FBLN1: variants seen among roughly 807,000 people sequenced by gnomAD.
The protein encoded by FBLN1 is fibulin-1.
In FBLN1, 34 loss-of-function variants were observed where a neutral mutation model predicts 89.7. The ratio of observed to expected loss-of-function variants is 0.38; its 90% CI spans 0.29 to 0.50. The LOEUF (loss-of-function observed/expected upper bound fraction) is 0.50. FBLN1 is among the 20% of genes least tolerant of loss of function. The probability of loss-of-function intolerance (pLI) is 0.92; values close to 1 mark genes in which losing one functional copy is unlikely to be tolerated. For synonymous variants in FBLN1, 393 were observed against 391.3 expected (o/e 1.00, Z -0.05); for missense variants, 777 against 988.1 (o/e 0.79, Z 2.86).
Position 45,562,840 on chromosome 22 carries a change from C to T in FBLN1, c.1698-11671C>T, listed in dbSNP as rs536599612. The T allele has an allele frequency of 3.0e-3, 4,469 of 1,467,508 alleles. 15 individuals are homozygous for T. Among genetic ancestry groups the T allele is most frequent in the Non-Finnish European group, 3.7e-3 (3,935 of 1,056,962 alleles). The allele number at this position is 1,467,508 out of a possible 1,614,324, so 90.9% of individuals were successfully genotyped here. A position where few individuals can be genotyped will look rare whatever the true frequency, so the allele number is the denominator to read the frequency against. ...CCCGCCTGCCAGCCCCGCATCCCCG[C>T]GCTCTGCCGTTTCTCCGCTTGCTGG... is the stretch of plus-strand genomic sequence containing the variant. On this transcript the variant is annotated intron_variant, in intron 14 of 16. Transcript: ENST00000327858. This position sits in a 1 kb window ranked among gnomAD's most constrained non-coding sequence, Gnocchi z 7.8.
At chr22:45,595,533 C>G (rs1441418903) in intron 16 of FBLN1, among the ~76,000 whole-genome samples, 1 of 152,110 alleles carries the variant, frequency 6.6e-6, no homozygotes, top group Admixed American at 6.6e-5. Context: ...TCTAGTTGCT[C>G]GTCTCACCAC....
chr22:45,543,570 C>A (rs1213643582), intron 11 of FBLN1, 44 bp downstream of exon 11: 1 of 1,604,582 alleles, frequency 6.2e-7, no homozygotes, highest in East Asian at 2.2e-5. Context: ...AGGTCACCTT[C>A]CTCCTGGGGA....
intron 2 of FBLN1, among the ~76,000 whole-genome samples, chr22:45,524,293 G>C (rs1484739678): frequency 6.6e-6 from 1 of 152,198 alleles, no homozygotes; most frequent in Non-Finnish European, 1.5e-5. Flanking sequence ...GCTGGCTTTG[G>C]CTGGAGCTGG....
intron 16 of FBLN1, among the ~76,000 whole-genome samples, chr22:45,582,987 C>T (rs1000394258): frequency 6.6e-6 from 1 of 152,206 alleles, no homozygotes; most frequent in Non-Finnish European, 1.5e-5. Flanking sequence ...GGCAGTTTTG[C>T]GTTGGAATCA....
In FBLN1 at chr22:45,597,844, C is replaced by T. The variant is rs538570013; in HGVS notation, c.1973-2463C>T. On this transcript the variant is annotated intron_variant, in intron 16 of 16. Coordinates refer to ENST00000327858, the MANE Select transcript of FBLN1 (RefSeq NM_006486.3). The surrounding 1 kb of genome is among the most constrained non-coding windows in gnomAD (Gnocchi z 4.2). Reference sequence around the variant, plus strand: ...CTTAGGGAACAGCCTGAAATTCCACCCCAGCTGCTGGGCCTTTCACTTTTG... The same window carrying T: ...CTTAGGGAACAGCCTGAAATTCCACTCCAGCTGCTGGGCCTTTCACTTTTG... 5.3e-5 allele frequency among the ~76,000 whole-genome samples: 8 copies of T among 152,282 alleles called. No homozygotes were observed. In the South Asian group the frequency reaches 1.7e-3, roughly 32 times the overall value.
chr22:45,581,187 G>T lies in FBLN1; in HGVS notation c.1972+4079G>T, dbSNP rs772988146. Among the ~76,000 whole-genome samples, 1 of 152,156 alleles carries T rather than the reference G, an allele frequency of 6.6e-6. No individual in the cohort carries two copies. Among genetic ancestry groups the T allele is most frequent in the Non-Finnish European group, 1.5e-5 (1 of 68,018 alleles). Reference sequence around the variant, plus strand: ...GGCGGGCTGTGTATCATCAGCGTGCGGAAGAGAGAGACAGAAAGGCAACTC... The same window carrying T: ...GGCGGGCTGTGTATCATCAGCGTGCTGAAGAGAGAGACAGAAAGGCAACTC... On this transcript the variant is annotated intron_variant, in intron 16 of 16. Transcript: ENST00000327858. This position sits in a 1 kb window ranked among gnomAD's most constrained non-coding sequence, Gnocchi z 7.6.
At position 45,590,557 on chromosome 22, in the gene FBLN1, C is replaced by T. The variant is rs529212553; in HGVS notation, c.1973-9750C>T. 6.6e-6 allele frequency among the ~76,000 whole-genome samples: 1 copy of T among 152,274 alleles called. No individual in the cohort carries two copies. Among genetic ancestry groups the T allele is most frequent in the South Asian group, 2.1e-4 (1 of 4,814 alleles). ...TGGGCCCCCACGGTTGGATTTACCT[C>T]CTGGCTCTGAGCACAGTGGGAAGAG... On this transcript the variant is annotated intron_variant, in intron 16 of 16. Transcript: ENST00000327858. The surrounding 1 kb of genome is among the most constrained non-coding windows in gnomAD (Gnocchi z 4.1).
At position 45,545,454 on chromosome 22, in the gene FBLN1, T is replaced by TG. The variant is rs1272118963; in HGVS notation, c.1322-1628dup. Reference sequence around the variant, plus strand: ...CTTTATTATTATTTAGTAGAAGTAGTGGGATTCCTGGCTTGTGCTTCCTCT... The same window carrying TG: ...CTTTATTATTATTTAGTAGAAGTAGTGGGGATTCCTGGCTTGTGCTTCCTCT... On this transcript the variant is annotated intron_variant, in intron 11 of 16. Coordinates refer to ENST00000327858, the MANE Select transcript of FBLN1 (RefSeq NM_006486.3). This position sits in a 1 kb window ranked among gnomAD's most constrained non-coding sequence, Gnocchi z 5.9. Among the ~76,000 whole-genome samples the TG allele has an allele frequency of 6.6e-6, 1 of 152,172 alleles. No homozygotes were observed. Among genetic ancestry groups the TG allele is most frequent in the Non-Finnish European group, 1.5e-5 (1 of 68,038 alleles).
At chr22:45,513,276 A>G (rs971874393) in intron 1 of FBLN1, among the ~76,000 whole-genome samples, 1 of 150,578 alleles carries the variant, frequency 6.6e-6, no homozygotes, top group Non-Finnish European at 1.5e-5. Flanking sequence ...TAAAATACGC[A>G]TCACATGGGA....
intron 11 of FBLN1, among the ~76,000 whole-genome samples, chr22:45,543,758 G>A (rs1417701121): frequency 2.6e-5 from 4 of 152,348 alleles, no homozygotes; most frequent in East Asian, 1.9e-4. Flanking sequence ...CATAGGCTGC[G>A]GCAGAGGCCA....
intron 1 of FBLN1, among the ~76,000 whole-genome samples, chr22:45,512,335 A>G (rs1161987132): frequency 1.3e-5 from 2 of 151,720 alleles, no homozygotes; most frequent in African/African-American, 2.4e-5. Flanking sequence ...AGTTGGTTGG[A>G]TGCTGTTGAC....
At chr22:45,552,274 G>C (rs552488416) in intron 14 of FBLN1, among the ~76,000 whole-genome samples, 4 of 152,218 alleles carry the variant, frequency 2.6e-5, no homozygotes, top group Admixed American at 6.5e-5. Flanking sequence ...GAGGTGGAAG[G>C]GGGAGCGAAT....
At chr22:45,519,377 T>A (rs1569236582) in intron 2 of FBLN1, among the ~76,000 whole-genome samples, 1 of 151,956 alleles carries the variant, frequency 6.6e-6, no homozygotes, top group Non-Finnish European at 1.5e-5. Flanking sequence ...TCCCAGCACT[T>A]TGGGAGGCCG....
At chr22:45,548,822 G>C in intron 13 of FBLN1, 78 bp downstream of exon 13, 1 of 1,586,622 alleles carries the variant, frequency 6.3e-7, no homozygotes. Flanking sequence ...GGCTGGGCTC[G>C]GGGGCTGTGC....
rs2088989397 is a variant in FBLN1, at chr22:45,575,487, G to A, written c.1840+834G>A. ...TAAACAGGAGGCTAAAACTGGAGTT[G>A]GGCCTTCAACCCCCAGGCTTTGGGG... On this transcript the variant is annotated intron_variant, in intron 15 of 16. Transcript: ENST00000327858. This position sits in a 1 kb window ranked among gnomAD's most constrained non-coding sequence, Gnocchi z 6.3. Among the ~76,000 whole-genome samples the A allele has an allele frequency of 6.6e-6, 1 of 152,088 alleles. No individual in the cohort carries two copies. The highest frequency in any genetic ancestry group is 1.5e-5 in the Non-Finnish European group (1 of 68,016).
intron 14 of FBLN1, among the ~76,000 whole-genome samples, chr22:45,560,982 G>A (rs562577894): frequency 3.3e-5 from 5 of 152,168 alleles, no homozygotes; most frequent in African/African-American, 7.2e-5. Context: ...GGGTCGGGGC[G>A]GGGATGTTGC....
intron 1 of FBLN1, among the ~76,000 whole-genome samples, chr22:45,511,480 T>A (rs1243975309): frequency 1.5e-5 from 2 of 136,970 alleles, no homozygotes; most frequent in Non-Finnish European, 3.1e-5. Context: ...ACAGTCTCAC[T>A]CTGTCACCCA....
At chr22:45,546,151 G>T (rs944866582) in intron 11 of FBLN1, among the ~76,000 whole-genome samples, 1 of 149,418 alleles carries the variant, frequency 6.7e-6, no homozygotes, top group African/African-American at 2.5e-5. Flanking sequence ...TTGTACTCCA[G>T]CCTGGGCGAC....
intron 1 of FBLN1, 180 bp from the exon 2 acceptor site, chr22:45,518,502 C>T (rs1007312106): frequency 1.5e-6 from 1 of 653,000 alleles, no homozygotes; most frequent in South Asian, 1.7e-5. Context: ...GGGGTGTGGA[C>T]TCGCAGCTGG....
Sources: allele counts gnomAD v4.1 joint callset (sites outside exome capture counted in the v4.1 genomes callset), GRCh38; gene constraint gnomAD v4.1.1; non-coding constraint Gnocchi (gnomAD v3.1); transcripts MANE v1.5; gene names NCBI Gene and HGNC (gene_info 2026-07-23, HGNC 2026-07-21).